Variants in SLC4A4 observed in about 807,000 individuals in gnomAD.
SLC4A4 encodes the protein solute carrier family 4 member 4.
Under a neutral mutation model 111.5 loss-of-function variants are expected in SLC4A4, and 27 were observed. That is an observed-to-expected ratio of 0.24 (90% CI 0.18 to 0.33). The LOEUF is 0.33. SLC4A4 is among the 10% of genes least tolerant of loss of function. The pLI is 1.00. For missense variants in SLC4A4, 909 were observed against 1,315.5 expected (o/e 0.69, Z 4.78); for synonymous variants, 443 against 463.4 (o/e 0.96, Z 0.57).
rs1038986589 is a variant in SLC4A4 at position 71,277,062 on chromosome 4, A to G, written c.253+21663A>G. ...CTGTCTCAAACAAAAAACAAAAAAC[A>G]AAACAAAACAACCCCAAAACAAATA... On this transcript the variant is annotated intron_variant, in intron 3 of 25. Coordinates refer to ENST00000264485, the MANE Select transcript of SLC4A4 (RefSeq NM_001098484.3). 3.3e-5 allele frequency among the ~76,000 whole-genome samples: 5 copies of G among 152,284 alleles called. No individual in the cohort carries two copies. In the South Asian group the frequency reaches 1.0e-3, roughly 32 times the overall value.
intron 14 of SLC4A4, among the ~76,000 whole-genome samples, chr4:71,479,258 T>C (rs1296766193): frequency 1.3e-5 from 2 of 151,676 alleles, no homozygotes; most frequent in African/African-American, 2.4e-5. Context: ...AGTTGGCTTT[T>C]TTCCTGGTAT....
At chr4:71,542,440 T>C (rs908764495) in intron 18 of SLC4A4, among the ~76,000 whole-genome samples, 2 of 152,188 alleles carry the variant, frequency 1.3e-5, no homozygotes, top group East Asian at 3.9e-4. Context: ...CTAAAACCCT[T>C]CAGTGACTTC....
chr4:71,427,952 A>G (rs568235506), intron 7 of SLC4A4, among the ~76,000 whole-genome samples: 4 of 152,182 alleles, frequency 2.6e-5, no homozygotes, highest in African/African-American at 9.6e-5. Context: ...TTTCTATTTA[A>G]TTGTCTTACT....
intron 3 of SLC4A4, among the ~76,000 whole-genome samples, chr4:71,263,281 T>C (rs1291274564): frequency 6.6e-6 from 1 of 152,170 alleles, no homozygotes; most frequent in African/African-American, 2.4e-5. Flanking sequence ...GAACTCATAA[T>C]AACTTCCCCA....
rs1737717349 is a variant in SLC4A4, at chr4:71,568,807, G to A, written c.*1056G>A. Reference sequence around the variant, plus strand: ...ACACAATCTCTAGGGTAAGCCAGAAGGCAAGATCAGATTAAAAACACCATG... The same window carrying A: ...ACACAATCTCTAGGGTAAGCCAGAAAGCAAGATCAGATTAAAAACACCATG... On this transcript the variant is annotated 3_prime_UTR_variant, in exon 26 of 26. Coordinates refer to ENST00000264485, the MANE Select transcript of SLC4A4 (RefSeq NM_001098484.3). The A allele has an allele frequency of 6.6e-6, 1 of 151,870 alleles. No individual in the cohort carries two copies. Among genetic ancestry groups the A allele is most frequent in the Non-Finnish European group, 1.5e-5 (1 of 67,748 alleles). The allele number at this position is 151,870 out of a possible 1,614,324, so 9.4% of individuals were successfully genotyped here.
At chr4:71,463,477 A>G (rs754983248) in intron 12 of SLC4A4, among the ~76,000 whole-genome samples, 1 of 152,218 alleles carries the variant, frequency 6.6e-6, no homozygotes, top group Admixed American at 6.5e-5. Context: ...TACTGGAAAC[A>G]TCTCTAAGTT....
chr4:71,334,524 C>G (rs895721435), intron 3 of SLC4A4, among the ~76,000 whole-genome samples: 9 of 152,098 alleles, frequency 5.9e-5, no homozygotes, highest in Non-Finnish European at 1.3e-4. Context: ...TGGTGTCTCG[C>G]TAAGTCATAT....
At chr4:71,434,209 G>A (rs960747705) in intron 7 of SLC4A4, among the ~76,000 whole-genome samples, 3 of 152,028 alleles carry the variant, frequency 2.0e-5, no homozygotes, top group Admixed American at 6.6e-5. Flanking sequence ...CAAACATGAC[G>A]TAAGGGTAAG....
rs1737722312 is a variant in SLC4A4, at chr4:71,568,898, G to C, written c.*1147G>C. The C allele has an allele frequency of 6.6e-6, 1 of 151,758 alleles. No homozygotes were observed. Among genetic ancestry groups the C allele is most frequent in the Non-Finnish European group, 1.5e-5 (1 of 67,798 alleles). The allele number at this position is 151,758 out of a possible 1,614,324, so 9.4% of individuals were successfully genotyped here. A position where few individuals can be genotyped will look rare whatever the true frequency, so the allele number is the denominator to read the frequency against. ...AACTGTTCTATGAAGGAGATTGAGG[G>C]AGAAGAGACAAACTCCTATGTCATG... On this transcript the variant is annotated 3_prime_UTR_variant, in exon 26 of 26. Coordinates refer to ENST00000264485, the MANE Select transcript of SLC4A4 (RefSeq NM_001098484.3).
chr4:71,300,045 T>G (rs1265477942), intron 3 of SLC4A4, among the ~76,000 whole-genome samples: 1 of 152,206 alleles, frequency 6.6e-6, no homozygotes, highest in Non-Finnish European at 1.5e-5. Context: ...GTTAAGAATT[T>G]CCTTAATCAA....
At chr4:71,541,594 A>G (rs1242855347) in intron 18 of SLC4A4, among the ~76,000 whole-genome samples, 1 of 152,010 alleles carries the variant, frequency 6.6e-6, no homozygotes, top group Non-Finnish European at 1.5e-5. Context: ...GAGGCTTTGT[A>G]TTGCTCGGCC....
At chr4:71,222,904 G>A (rs1283413352) in intron 1 of SLC4A4, among the ~76,000 whole-genome samples, 2 of 152,164 alleles carry the variant, frequency 1.3e-5, no homozygotes, top group Non-Finnish European at 2.9e-5. Context: ...GCCCTAGAGG[G>A]TCATACCATG....
intron 1 of SLC4A4, among the ~76,000 whole-genome samples, chr4:71,088,162 A>G (rs186012655): frequency 0.012 from 1,828 of 151,544 alleles, 46 homozygotes; most frequent in African/African-American, 0.042. Context: ...TTATGTAATG[A>G]CCTTCTTTGT....
chr4:71,102,011 T>C (rs1389056094), intron 2 of SLC4A4, among the ~76,000 whole-genome samples: 7 of 150,386 alleles, frequency 4.7e-5, no homozygotes, highest in Admixed American at 3.3e-4. Context: ...GCAAAGAAGT[T>C]GAAAACTTTG....
intron 1 of SLC4A4, among the ~76,000 whole-genome samples, chr4:71,091,102 C>G (rs539579795): frequency 6.6e-6 from 1 of 152,286 alleles, no homozygotes; most frequent in East Asian, 1.9e-4. Context: ...TGCGCACCAC[C>G]ATACTCAGCT....
chr4:71,496,833 A>G (rs972217784), intron 15 of SLC4A4, among the ~76,000 whole-genome samples: 2 of 152,156 alleles, frequency 1.3e-5, no homozygotes, highest in Non-Finnish European at 2.9e-5. Context: ...ACACAACTAC[A>G]TAGCCTTAAA....
chr4:71,396,107 C>T (rs1041465733), intron 6 of SLC4A4, among the ~76,000 whole-genome samples: 3 of 152,138 alleles, frequency 2.0e-5, no homozygotes, highest in African/African-American at 7.2e-5. Flanking sequence ...ATACCTGGCT[C>T]AAAGAAGAAA....
intron 3 of SLC4A4, among the ~76,000 whole-genome samples, chr4:71,287,167 A>G (rs976455400): frequency 1.3e-5 from 2 of 152,358 alleles, no homozygotes; most frequent in East Asian, 1.9e-4. Flanking sequence ...ATTATACATT[A>G]TAGCAGGCTG....
At chr4:71,439,176 C>T (rs1724437300) in intron 7 of SLC4A4, among the ~76,000 whole-genome samples, 1 of 151,998 alleles carries the variant, frequency 6.6e-6, no homozygotes, top group Non-Finnish European at 1.5e-5. Context: ...CGCCTGTAAT[C>T]CCAGCACTTT....
Sources: allele counts gnomAD v4.1 joint callset (sites outside exome capture counted in the v4.1 genomes callset), GRCh38; gene constraint gnomAD v4.1.1; transcripts MANE v1.5; gene names NCBI Gene and HGNC (gene_info 2026-07-23, HGNC 2026-07-21).